The following MAST4 variants were observed in gnomAD, a reference collection of about 807,000 sequenced individuals.
MAST4 encodes microtubule-associated serine/threonine-protein kinase 4.
A neutral mutation model predicts 162.7 loss-of-function variants in MAST4; 89 were observed. That is an observed-to-expected ratio of 0.55 (90% CI 0.46 to 0.65). The LOEUF is 0.65. MAST4 is among the 30% of genes least tolerant of loss of function. The pLI, the probability that MAST4 is intolerant of heterozygous loss-of-function variation, is 0.00. For missense variants in MAST4, 3,153 were observed against 3,374.0 expected (o/e 0.93, Z 1.62); for synonymous variants, 1,479 against 1,361.1 (o/e 1.09, Z -1.91).
chr5:66,714,521 G>A (rs1356885138), intron 1 of MAST4, among the ~76,000 whole-genome samples: 3 of 152,188 alleles, frequency 2.0e-5, no homozygotes, highest in African/African-American at 7.2e-5. Context: ...ACAGTGATTC[G>A]AGTCATTGTT....
chr5:66,877,272 T>C (rs1311829045), intron 3 of MAST4, among the ~76,000 whole-genome samples: 1 of 152,194 alleles, frequency 6.6e-6, no homozygotes, highest in Non-Finnish European at 1.5e-5. Context: ...AGTACTGCTA[T>C]GGGGAGCAAT....
Position 67,145,353 on chromosome 5 carries a change from G to A in MAST4, c.3068G>A (p.Ser1023Asn). The A allele has an allele frequency of 6.2e-7, 1 of 1,613,030 alleles. No homozygotes were observed. Among genetic ancestry groups the A allele is most frequent in the Non-Finnish European group, 8.5e-7 (1 of 1,179,846 alleles). Residue 1023 changes from serine to asparagine, a missense_variant, in exon 23 of 29, where the codon AGC (serine) becomes AAC (asparagine). Physicochemically the swap from Ser to Asn is conservative, Grantham distance 46. This residue lies in a region of MAST4 where 619 missense variants were observed against 744.2 expected (regional missense o/e 0.83). Transcript: ENST00000403625. ...GAGCCTGAGGTCACCACCCCAGCCA[G>A]CACCATCAGCAGCTCCACCCTGTCA... ...QEEPEVTTPASTISSSTLSVG... is the reference protein window; with the variant it reads ...QEEPEVTTPANTISSSTLSVG...
intron 5 of MAST4, among the ~76,000 whole-genome samples, chr5:67,088,268 C>T (rs1016068701): frequency 1.3e-5 from 2 of 152,132 alleles, no homozygotes; most frequent in Admixed American, 6.5e-5. Context: ...GCTAAGAATT[C>T]GGTGCCAGGT....
intron 5 of MAST4, among the ~76,000 whole-genome samples, chr5:67,072,256 G>A (rs1469923108): frequency 3.3e-5 from 5 of 152,192 alleles, no homozygotes; most frequent in Non-Finnish European, 7.3e-5. Flanking sequence ...GATTCTAAGA[G>A]TGCTGATTAG....
At chr5:66,969,831 G>A (rs1747210956) in intron 4 of MAST4, among the ~76,000 whole-genome samples, 1 of 152,132 alleles carries the variant, frequency 6.6e-6, no homozygotes, top group South Asian at 2.1e-4. Context: ...ACAATGAGAG[G>A]TCCCATTTGT....
intron 12 of MAST4, chr5:67,115,178 A>G (rs1766738839): frequency 6.6e-6 from 1 of 152,120 alleles, no homozygotes. Context: ...CACTCCCCCT[A>G]CAACCTGTTC....
At chr5:66,663,388 ATTAAAC>A (rs1747034327) in intron 1 of MAST4, among the ~76,000 whole-genome samples, 1 of 152,202 alleles carries the variant, frequency 6.6e-6, no homozygotes, top group South Asian at 2.1e-4. Flanking sequence ...AAAGGAGACA[ATTAAAC>A]TTAATTTAAA....
intron 1 of MAST4, among the ~76,000 whole-genome samples, chr5:66,716,635 A>G (rs1376198121): frequency 1.3e-5 from 2 of 151,808 alleles, no homozygotes; most frequent in African/African-American, 2.4e-5. Context: ...TGCTGGGATT[A>G]TAGGCATGAG....
chr5:66,597,372 G>A (rs1174455650), intron 1 of MAST4, among the ~76,000 whole-genome samples: 3 of 152,218 alleles, frequency 2.0e-5, no homozygotes, highest in African/African-American at 7.2e-5. Context: ...TCTCCAAAGT[G>A]GGCGTTGTTT....
intron 1 of MAST4, among the ~76,000 whole-genome samples, chr5:66,661,336 C>T (rs1746896844): frequency 6.6e-6 from 1 of 152,142 alleles, no homozygotes; most frequent in Non-Finnish European, 1.5e-5. Flanking sequence ...ATTGCATCTG[C>T]CTTCCATGCA....
intron 3 of MAST4, among the ~76,000 whole-genome samples, chr5:66,882,480 TAACTG>T (rs1156752327): frequency 6.6e-6 from 1 of 152,230 alleles, no homozygotes; most frequent in Non-Finnish European, 1.5e-5. Flanking sequence ...TATTTTGACT[TAACTG>T]TACTGATCAT....
chr5:66,856,495 TC>T, intron 3 of MAST4, among the ~76,000 whole-genome samples: 1 of 152,242 alleles, frequency 6.6e-6, no homozygotes. Context: ...ATTTACTGTT[TC>T]CACTTGAACA....
intron 3 of MAST4, among the ~76,000 whole-genome samples, chr5:66,896,473 A>G (rs1762690114): frequency 1.3e-5 from 2 of 152,056 alleles, no homozygotes; most frequent in Non-Finnish European, 2.9e-5. Flanking sequence ...GTCCCAGCCC[A>G]CTCTCAAAGA....
rs1581112689 is a variant in MAST4, at chr5:66,986,312, A to T, written c.675-68092A>T. 5 of 526,716 alleles carry T rather than the reference A, an allele frequency of 9.5e-6. No homozygotes were observed. In the East Asian group the frequency reaches 2.0e-4, roughly 21 times the overall value. The allele number at this position is 526,716 out of a possible 1,614,324, so 32.6% of individuals were successfully genotyped here. The stretch of plus-strand genomic sequence containing the variant: ...AGTCTGGAAAGGGAAACTGAGCCCA[A>T]GCGGGACTTGACTTTTATAGAAAGT... On this transcript the variant is annotated intron_variant, in intron 4 of 28. Coordinates refer to ENST00000403625, the MANE Select transcript of MAST4 (RefSeq NM_001164664.2).
chr5:67,021,537 G>A (rs991844694), intron 4 of MAST4, among the ~76,000 whole-genome samples: 1 of 152,202 alleles, frequency 6.6e-6, no homozygotes, highest in Non-Finnish European at 1.5e-5. Flanking sequence ...TTTCTGAAAT[G>A]ACTCTGAGCC....
intron 2 of MAST4, among the ~76,000 whole-genome samples, chr5:66,786,118 C>T (rs1409251282): frequency 6.6e-6 from 1 of 152,214 alleles, no homozygotes; most frequent in African/African-American, 2.4e-5. Context: ...ATCCGCTCAC[C>T]TCGGCCTCCC....
At chr5:66,679,134 G>C (rs1269097089) in intron 1 of MAST4, among the ~76,000 whole-genome samples, 1 of 152,146 alleles carries the variant, frequency 6.6e-6, no homozygotes, top group Non-Finnish European at 1.5e-5. Context: ...AATAAAGCTG[G>C]GGAGGGAGAT....
At chr5:66,787,938 C>T (rs574318197) in intron 2 of MAST4, among the ~76,000 whole-genome samples, 3 of 152,264 alleles carry the variant, frequency 2.0e-5, no homozygotes, top group Admixed American at 6.5e-5. Context: ...TTCCTGAAGT[C>T]AAAAACTATC....
At chr5:67,024,766 A>C (rs1445279450) in intron 4 of MAST4, among the ~76,000 whole-genome samples, 2 of 152,048 alleles carry the variant, frequency 1.3e-5, no homozygotes, top group East Asian at 3.8e-4. Flanking sequence ...GCATGTGAGA[A>C]CCCAGTGCCT....
Sources: allele counts gnomAD v4.1 joint callset (sites outside exome capture counted in the v4.1 genomes callset), GRCh38; gene constraint gnomAD v4.1.1; regional missense constraint gnomAD v4.1.1; transcripts MANE v1.5; gene names NCBI Gene and HGNC (gene_info 2026-07-23, HGNC 2026-07-21).